The following XYLT1 variants were observed in gnomAD, a reference collection of about 807,000 sequenced individuals.
XYLT1 encodes the protein beta-D-xylosyltransferase 1.
XYLT1 carries 36 observed loss-of-function variants against 91.3 expected under a neutral mutation model. The ratio of observed to expected loss-of-function variants is 0.39; its 90% confidence interval spans 0.30 to 0.52. The LOEUF (loss-of-function observed/expected upper bound fraction) is 0.52. XYLT1 is among the 20% of genes least tolerant of loss of function. The pLI is 0.68. For synonymous variants in XYLT1, 588 were observed against 532.0 expected (o/e 1.11, Z -1.45); for missense variants, 1,242 against 1,284.5 (o/e 0.97, Z 0.51).
intron 6 of XYLT1, among the ~76,000 whole-genome samples, chr16:17,157,286 G>T (rs2031430947): frequency 6.6e-6 from 1 of 152,116 alleles, no homozygotes; most frequent in Non-Finnish European, 1.5e-5. Flanking sequence ...GGAGCTACCT[G>T]CTTGCTTTTG....
chr16:17,451,533 G>A (rs1038943918), intron 1 of XYLT1, among the ~76,000 whole-genome samples: 2 of 152,162 alleles, frequency 1.3e-5, no homozygotes, highest in Non-Finnish European at 2.9e-5. Flanking sequence ...CACCTAGTAG[G>A]CTCTTGGTAA....
At chr16:17,354,775 C>T (rs776099371) in intron 2 of XYLT1, 1 of 152,220 alleles carries the variant, frequency 6.6e-6, no homozygotes, top group African/African-American at 2.4e-5. Flanking sequence ...ATTTGAGGCA[C>T]TACTTCCTGC....
intron 2 of XYLT1, among the ~76,000 whole-genome samples, chr16:17,328,418 G>A (rs539986217): frequency 9.9e-4 from 151 of 151,780 alleles, no homozygotes; most frequent in African/African-American, 3.6e-3. Context: ...GCATGGTGGC[G>A]CACATCTGCA....
intron 2 of XYLT1, among the ~76,000 whole-genome samples, chr16:17,328,973 T>A (rs2034856278): frequency 6.6e-6 from 1 of 152,258 alleles, no homozygotes; most frequent in African/African-American, 2.4e-5. Flanking sequence ...GTAGCATTTC[T>A]ATGTACTGCT....
rs71390598 is a variant in XYLT1, at chr16:17,301,113, GA to G, written c.403-41616del. 6.0e-5 allele frequency among the ~76,000 whole-genome samples: 9 copies of G among 149,882 alleles called. No homozygotes were observed. The South Asian group carries it at 8.5e-4, about 14-fold the overall frequency. ...AATTTGGGGGAGTATATGTGTGTGA[GA>G]AAAAAAAAATCTTAGGCTGGGCACA... On this transcript the variant is annotated intron_variant, in intron 2 of 11. Coordinates refer to ENST00000261381, the MANE Select transcript of XYLT1 (RefSeq NM_022166.4).
chr16:17,433,421 T>A (rs908198798), intron 1 of XYLT1, among the ~76,000 whole-genome samples: 4 of 152,188 alleles, frequency 2.6e-5, no homozygotes, highest in Non-Finnish European at 5.9e-5. Context: ...TTCCAGCAGA[T>A]GGGAGAATCA....
intron 10 of XYLT1, among the ~76,000 whole-genome samples, chr16:17,125,802 G>T (rs908230695): frequency 1.1e-4 from 16 of 152,094 alleles, no homozygotes; most frequent in African/African-American, 3.9e-4. Flanking sequence ...GCAATTCCAT[G>T]ACCACAGGGG....
chr16:17,262,534 G>C (rs956808783), intron 2 of XYLT1, among the ~76,000 whole-genome samples: 1 of 152,180 alleles, frequency 6.6e-6, no homozygotes, highest in East Asian at 1.9e-4. Context: ...TGATGGGGCA[G>C]GGGTGGCATT....
chr16:17,149,209 C>A (rs900862920), intron 6 of XYLT1, among the ~76,000 whole-genome samples: 14 of 152,178 alleles, frequency 9.2e-5, no homozygotes, highest in African/African-American at 3.1e-4. Context: ...AGAAGTTTCT[C>A]AATTCAGTTA....
rs950899083 is a variant in XYLT1, at chr16:17,431,264, G to C, written c.363+39170C>G. On this transcript the variant is annotated intron_variant, in intron 1 of 11. Transcript: ENST00000261381. Reference sequence around the variant, plus strand: ...CCTTATTTTGCTGACCTATGGCTTAGAGCGGCGCTTCTCAAACTTCACGTG... The same window carrying C: ...CCTTATTTTGCTGACCTATGGCTTACAGCGGCGCTTCTCAAACTTCACGTG... Among the ~76,000 whole-genome samples the C allele has an allele frequency of 2.6e-5, 4 of 152,170 alleles. 1 individual carries two copies. The highest frequency in any genetic ancestry group is 5.9e-5 in the Non-Finnish European group (4 of 68,030).
chr16:17,449,868 G>C (rs901464665), intron 1 of XYLT1, among the ~76,000 whole-genome samples: 2 of 152,074 alleles, frequency 1.3e-5, no homozygotes, highest in Non-Finnish European at 2.9e-5. Context: ...CTTAAAGTGG[G>C]GTTCCATAGC....
At chr16:17,366,705 A>T (rs1475016409) in intron 1 of XYLT1, among the ~76,000 whole-genome samples, 1 of 152,110 alleles carries the variant, frequency 6.6e-6, no homozygotes, top group Non-Finnish European at 1.5e-5. Flanking sequence ...AAAACAAACA[A>T]ACAAACAAAC....
chr16:17,210,500 C>G (rs1314280999), intron 3 of XYLT1, among the ~76,000 whole-genome samples: 1 of 152,108 alleles, frequency 6.6e-6, no homozygotes, highest in Non-Finnish European at 1.5e-5. Context: ...TTGCTTGAAC[C>G]CAGGAGGCGG....
At chr16:17,158,471 G>A (rs774891354) in intron 6 of XYLT1, among the ~76,000 whole-genome samples, 3 of 152,218 alleles carry the variant, frequency 2.0e-5, no homozygotes, top group Non-Finnish European at 4.4e-5. Context: ...CTGAATGAAC[G>A]ATCTGGGGAC....
intron 6 of XYLT1, among the ~76,000 whole-genome samples, chr16:17,143,810 ATTATCACCACT>A: frequency 2.4e-5 from 2 of 82,528 alleles, no homozygotes; most frequent in African/African-American, 1.3e-4. Context: ...CACAATTTCC[ATTATCACCACT>A]GTCATCACCA....
At chr16:17,295,589 C>A (rs2034297883) in intron 2 of XYLT1, among the ~76,000 whole-genome samples, 1 of 152,160 alleles carries the variant, frequency 6.6e-6, no homozygotes, top group Admixed American at 6.5e-5. Context: ...CTCCTGACCT[C>A]AGGTGATCTG....
chr16:17,195,457 G>GT (rs532003317), intron 5 of XYLT1, among the ~76,000 whole-genome samples: 172 of 151,384 alleles, frequency 1.1e-3, no homozygotes, highest in Non-Finnish European at 2.1e-3. Flanking sequence ...TTGTTTGTTT[G>GT]TTTTTTTGAG....
In XYLT1 at chr16:17,108,568, C is replaced by G; in HGVS notation, c.*127G>C. On this transcript the variant is annotated 3_prime_UTR_variant, in exon 12 of 12. Transcript: ENST00000261381. ...CTGCTGACCTTCCCTTTCCATCATT[C>G]TATGGCCAGGAGAGACCCATTCACA... The G allele has an allele frequency of 1.1e-6, 1 of 945,534 alleles. No individual in the cohort carries two copies. Among genetic ancestry groups the G allele is most frequent in the Admixed American group, 3.1e-5 (1 of 32,480 alleles). 58.6% of individuals were successfully genotyped at this position (945,534 alleles called of 1,614,324 possible). A position where few individuals can be genotyped will look rare whatever the true frequency, so the allele number is the denominator to read the frequency against.
chr16:17,179,487 C>T (rs973515178), intron 5 of XYLT1, among the ~76,000 whole-genome samples: 8 of 152,186 alleles, frequency 5.3e-5, no homozygotes, highest in Non-Finnish European at 1.2e-4. Context: ...GAAGTGTCTT[C>T]CTGACCCACC....
Sources: gnomAD v4.1 joint callset for allele counts (sites outside exome capture counted in the v4.1 genomes callset) on GRCh38, gnomAD v4.1.1 for gene constraint, MANE v1.5 for transcripts, NCBI Gene and HGNC (gene_info 2026-07-23, HGNC 2026-07-21) for gene names.